Variants in TNFRSF8 observed in about 807,000 individuals in gnomAD.
TNFRSF8 encodes the protein tumor necrosis factor receptor superfamily member 8.
In TNFRSF8, 26 loss-of-function variants were observed where a neutral mutation model predicts 70.8. The observed-to-expected ratio is 0.37, with a 90% CI of 0.27 to 0.51. TNFRSF8 has a LOEUF of 0.51. TNFRSF8 is among the 20% of genes least tolerant of loss of function. The pLI is 0.94. For missense variants in TNFRSF8, 720 were observed against 807.9 expected, an observed-to-expected ratio of 0.89 and a Z score of 1.32; for synonymous variants, 356 against 339.2, an observed-to-expected ratio of 1.05 and a Z score of -0.54.
intron 3 of TNFRSF8, 37 bp from the exon 4 acceptor site, chr1:12,104,342 T>G (rs1641479034): frequency 6.2e-7 from 1 of 1,613,266 alleles, no homozygotes; most frequent in African/African-American, 1.3e-5. Context: ...ACGCCTTCCT[T>G]CTGTTCCCCT....
rs1395946282 is a variant in TNFRSF8 at position 12,109,418 on chromosome 1, C to T, written c.422-148C>T. 8 of 611,582 alleles carry T rather than the reference C, an allele frequency of 1.3e-5. No individual in the cohort carries two copies. The highest frequency in any genetic ancestry group is 5.6e-5 in the Admixed American group (2 of 35,504). 37.9% of individuals were successfully genotyped at this position (611,582 alleles called of 1,614,324 possible). On this transcript the variant is annotated intron_variant, in intron 4 of 14. Coordinates refer to ENST00000263932, the MANE Select transcript of TNFRSF8 (RefSeq NM_001243.5). The surrounding 1 kb of genome is among the most constrained non-coding windows in gnomAD (Gnocchi z 4.4). ...TAGGCTGCTTTACTCTGAAGGGGAA[C>T]GGGTGCCAGGCGGGTGCCACCTCCA...
Position 12,123,669 on chromosome 1 carries a change from C to G in TNFRSF8, c.1041-46C>G, listed in dbSNP as rs529632718. 6.8e-6 allele frequency: 10 copies of G among 1,473,436 alleles called. No individual in the cohort carries two copies. In the Admixed American group the frequency reaches 1.4e-4, roughly 20 times the overall value. The allele number at this position is 1,473,436 out of a possible 1,614,324, so 91.3% of individuals were successfully genotyped here. ...GGGAATTATTCCTGAAGACCCACTT[C>G]CCTCTTCCCATCTTCATCACTCCTG... On this transcript the variant is annotated intron_variant, in intron 9 of 14. Coordinates refer to ENST00000263932, the MANE Select transcript of TNFRSF8 (RefSeq NM_001243.5).
intron 1 of TNFRSF8, among the ~76,000 whole-genome samples, chr1:12,064,824 A>G (rs914538502): frequency 1.3e-5 from 2 of 152,210 alleles, no homozygotes; most frequent in Admixed American, 6.5e-5. Context: ...ACCCTGTCCC[A>G]GCTCTGCAAG....
At chr1:12,086,233 G>A (rs537197091) in intron 2 of TNFRSF8, among the ~76,000 whole-genome samples, 20 of 152,304 alleles carry the variant, frequency 1.3e-4, no homozygotes, top group East Asian at 3.9e-4. Context: ...GGCCACCAAA[G>A]GACAGAGGGA....
At position 12,075,291 on chromosome 1, in the gene TNFRSF8, G is replaced by A. The variant is rs371494812; in HGVS notation, c.64-9173G>A. On this transcript the variant is annotated intron_variant, in intron 1 of 14. Coordinates refer to ENST00000263932, the MANE Select transcript of TNFRSF8 (RefSeq NM_001243.5). ...TAAAGAGACAGGGTCTTGCTATGTTGCCCAGGCTGGTCTTGAACTCCTGGG... is the reference window on the plus strand; with the variant it reads ...TAAAGAGACAGGGTCTTGCTATGTTACCCAGGCTGGTCTTGAACTCCTGGG... Among the ~76,000 whole-genome samples, 478 of 148,902 alleles carry A rather than the reference G, an allele frequency of 3.2e-3. 1 individual carries two copies. Among genetic ancestry groups the A allele is most frequent in the African/African-American group, 0.011 (451 of 40,350 alleles).
rs1445787743 is a variant in TNFRSF8 at position 12,135,601 on chromosome 1, G to A, written c.1323G>A (p.Arg441=). ...PKLELVDSRP[R]RSSTQLRSGA... Reference sequence around the variant, plus strand: ...TGCTTTTTGCAGATTCCAGACCCAGGAGGAGCTCAACGGTAAGTACCCCTC... The same window carrying A: ...TGCTTTTTGCAGATTCCAGACCCAGAAGGAGCTCAACGGTAAGTACCCCTC... Residue 441 remains arginine (R), a synonymous_variant, in exon 13 of 15, where the codon AGG becomes AGA. Coordinates refer to ENST00000263932, the MANE Select transcript of TNFRSF8 (RefSeq NM_001243.5). The A allele has an allele frequency of 6.2e-7, 1 of 1,614,028 alleles. No individual in the cohort carries two copies. Among genetic ancestry groups the A allele is most frequent in the South Asian group, 1.1e-5 (1 of 91,074 alleles).
chr1:12,090,439 C>CCCAT (rs1162401600), intron 2 of TNFRSF8, among the ~76,000 whole-genome samples: 4 of 151,142 alleles, frequency 2.6e-5, no homozygotes, highest in African/African-American at 7.3e-5. Context: ...CCACCCTTCC[C>CCCAT]CCATCCATCC....
chr1:12,107,754 C>T (rs573953124), intron 4 of TNFRSF8, among the ~76,000 whole-genome samples: 7 of 152,150 alleles, frequency 4.6e-5, no homozygotes, highest in South Asian at 2.1e-4. Context: ...GGCAGCTCTC[C>T]GGGGTTGTTG....
At position 12,115,557 on chromosome 1, in the gene TNFRSF8, T is replaced by A. The variant is rs762951877; in HGVS notation, c.794-20T>A. 1 of 1,614,134 alleles carries A rather than the reference T, an allele frequency of 6.2e-7. No homozygotes were observed. Among genetic ancestry groups the A allele is most frequent in the South Asian group, 1.1e-5 (1 of 91,086 alleles). On this transcript the variant is annotated intron_variant, in intron 7 of 14. Coordinates refer to ENST00000263932, the MANE Select transcript of TNFRSF8 (RefSeq NM_001243.5). ...TTGCCATACTGATCTTTCTCCGTGA[T>A]CCTCATCTGTGTCCCTTAGATGACC...
intron 2 of TNFRSF8, among the ~76,000 whole-genome samples, chr1:12,085,706 C>G (rs1028653245): frequency 6.6e-6 from 1 of 152,186 alleles, no homozygotes; most frequent in Non-Finnish European, 1.5e-5. Flanking sequence ...AGTCAATTAC[C>G]AGGAAATCCT....
intron 2 of TNFRSF8, among the ~76,000 whole-genome samples, chr1:12,094,058 C>CAAAAAAAAAAAAAAA (rs778868213): frequency 1.2e-5 from 1 of 84,678 alleles, no homozygotes; most frequent in Non-Finnish European, 2.2e-5. Flanking sequence ...GACTTTGTCT[C>CAAAAAAAAAAAAAAA]AAAAAAAAAA....
intron 12 of TNFRSF8, among the ~76,000 whole-genome samples, chr1:12,135,294 T>C (rs1148469): frequency 0.67 from 95,025 of 141,384 alleles, 32,072 homozygotes; most frequent in East Asian, 0.77. Flanking sequence ...CTAGCCTGGG[T>C]GACAGAGTGA....
Position 12,106,503 on chromosome 1 carries a change from C to T in TNFRSF8, c.421+1972C>T, listed in dbSNP as rs1413886737. ...GTCTCCCTCCCTGGCTGGAAGCTTCCTGAGGGCAAAGACCATGCCCCTGGT... is the reference window on the plus strand; with the variant it reads ...GTCTCCCTCCCTGGCTGGAAGCTTCTTGAGGGCAAAGACCATGCCCCTGGT... On this transcript the variant is annotated intron_variant, in intron 4 of 14. Coordinates refer to ENST00000263932, the MANE Select transcript of TNFRSF8 (RefSeq NM_001243.5). 4.6e-5 allele frequency among the ~76,000 whole-genome samples: 7 copies of T among 152,198 alleles called. 1 individual carries two copies. The highest frequency in any genetic ancestry group is 1.4e-4 in the African/African-American group (6 of 41,434).
intron 1 of TNFRSF8, among the ~76,000 whole-genome samples, chr1:12,074,680 C>A (rs924019305): frequency 2.0e-5 from 3 of 152,218 alleles, no homozygotes; most frequent in African/African-American, 4.8e-5. Flanking sequence ...CTCCCATACC[C>A]TTCCTTGGAG....
At position 12,076,101 on chromosome 1, in the gene TNFRSF8, T is replaced by TC. The variant is rs1412988629; in HGVS notation, c.64-8363_64-8362insC. The stretch of plus-strand genomic sequence containing the variant: ...TGGTTTTATTCTTTTTTTTTTCTTT[T>TC]TCTTTTTTTTTTTTTTGAGATGGGG... On this transcript the variant is annotated intron_variant, in intron 1 of 14. Transcript: ENST00000263932. Among the ~76,000 whole-genome samples the TC allele has an allele frequency of 3.9e-3, 340 of 87,538 alleles. 3 individuals carry two copies. Among genetic ancestry groups the TC allele is most frequent in the Middle Eastern group, 0.015 (3 of 202 alleles). The allele number at this position is 87,538 out of a possible 152,430, so 57.4% of individuals were successfully genotyped here.
chr1:12,095,770 G>A lies in TNFRSF8; in HGVS notation c.152-1331G>A, dbSNP rs1641321891. ...CCCCTGGTCTATTTTCATTGTAACT[G>A]GCAGAAGGGCTCAAATAAGACAAAA... On this transcript the variant is annotated intron_variant, in intron 2 of 14. Transcript: ENST00000263932. Among the ~76,000 whole-genome samples, 3 of 152,292 alleles carry A rather than the reference G, an allele frequency of 2.0e-5. No homozygotes were observed. In the South Asian group the frequency reaches 6.2e-4, roughly 32 times the overall value.
At chr1:12,100,723 G>A (rs997629685) in intron 3 of TNFRSF8, among the ~76,000 whole-genome samples, 12 of 152,114 alleles carry the variant, frequency 7.9e-5, no homozygotes, top group Non-Finnish European at 8.8e-5. Flanking sequence ...TTGGGAAGCC[G>A]AGGTGGGCAG....
chr1:12,123,528 C>T lies in TNFRSF8; in HGVS notation c.1040+151C>T, dbSNP rs921670433. 3 of 949,172 alleles carry T rather than the reference C, an allele frequency of 3.2e-6. No homozygotes were observed. In the African/African-American group the frequency reaches 5.0e-5, roughly 16 times the overall value. The allele number at this position is 949,172 out of a possible 1,614,324, so 58.8% of individuals were successfully genotyped here. A position where few individuals can be genotyped will look rare whatever the true frequency, so the allele number is the denominator to read the frequency against. ...AAATGTGTGCCCATCTCTTTGCTGACACCATTGGAAAGCCAGAAGGCCTTG... is the reference window on the plus strand; with the variant it reads ...AAATGTGTGCCCATCTCTTTGCTGATACCATTGGAAAGCCAGAAGGCCTTG... On this transcript the variant is annotated intron_variant, in intron 9 of 14. Coordinates refer to ENST00000263932, the MANE Select transcript of TNFRSF8 (RefSeq NM_001243.5).
In TNFRSF8 at chr1:12,113,769, AAGAG is replaced by A. The variant is rs755033585; in HGVS notation, c.793+1767_793+1770del. 8.3e-4 allele frequency among the ~76,000 whole-genome samples: 125 copies of A among 150,226 alleles called. No individual in the cohort carries two copies. Among genetic ancestry groups the A allele is most frequent in the Non-Finnish European group, 6.1e-4 (41 of 67,184 alleles). ...AGAGAAAGAGAGAGAGAGAGACAGA[AAGAG>A]AGAGAGAGAGACAGACAGAGGCAGC... On this transcript the variant is annotated intron_variant, in intron 7 of 14. Transcript: ENST00000263932. The surrounding 1 kb of genome is among the most constrained non-coding windows in gnomAD (Gnocchi z 4.9).
Sources: allele counts gnomAD v4.1 joint callset (sites outside exome capture counted in the v4.1 genomes callset), GRCh38; gene constraint gnomAD v4.1.1; non-coding constraint Gnocchi (gnomAD v3.1); transcripts MANE v1.5; gene names NCBI Gene and HGNC (gene_info 2026-07-23, HGNC 2026-07-21).